SREK1IP1: variants seen among roughly 807,000 people sequenced by gnomAD.
The protein encoded by SREK1IP1 is protein SREK1IP1.
SREK1IP1 carries 12 observed loss-of-function variants against 22.8 expected under a neutral mutation model. The observed-to-expected ratio is 0.53, with a 90% CI of 0.34 to 0.85. The LOEUF is 0.85. Among genes scored for constraint, SREK1IP1 ranks in the 40% least tolerant of loss-of-function variants. SREK1IP1 has a pLI of 0.02. For synonymous variants in SREK1IP1, 53 were observed against 52.7 expected, an observed-to-expected ratio of 1.01 and a Z score of -0.02; for missense variants, 147 against 171.8, an observed-to-expected ratio of 0.86 and a Z score of 0.81.
intron 2 of SREK1IP1, among the ~76,000 whole-genome samples, chr5:64,751,155 A>G (rs959592636): frequency 6.6e-6 from 1 of 152,168 alleles, no homozygotes; most frequent in Non-Finnish European, 1.5e-5. Context: ...TTCATTTCTT[A>G]TAACTCTTAT....
At chr5:64,747,056 A>C (rs752239285) in intron 2 of SREK1IP1, among the ~76,000 whole-genome samples, 2 of 152,198 alleles carry the variant, frequency 1.3e-5, no homozygotes, top group African/African-American at 2.4e-5. Flanking sequence ...GGGCATAGGG[A>C]AAAGAAGGGG....
chr5:64,745,255 G>T (rs899417161), intron 2 of SREK1IP1, among the ~76,000 whole-genome samples: 5 of 152,088 alleles, frequency 3.3e-5, no homozygotes, highest in Admixed American at 6.5e-5. Context: ...GCAGAATGGT[G>T]GGCTTTCTAG....
At chr5:64,754,634 T>C (rs1379383155) in intron 1 of SREK1IP1, 1 of 313,296 alleles carries the variant, frequency 3.2e-6, no homozygotes, top group Non-Finnish European at 6.1e-6. Context: ...TGGCTAACTT[T>C]TAAATTTTTT....
intron 3 of SREK1IP1, among the ~76,000 whole-genome samples, chr5:64,733,016 C>G (rs1442858787): frequency 6.6e-6 from 1 of 151,228 alleles, no homozygotes; most frequent in South Asian, 2.1e-4. Flanking sequence ...ATAGATCAAG[C>G]CTCACTGCTT....
chr5:64,739,925 A>G (rs1017762838), intron 3 of SREK1IP1, among the ~76,000 whole-genome samples: 4 of 152,282 alleles, frequency 2.6e-5, no homozygotes, highest in Non-Finnish European at 5.9e-5. Context: ...TTACTGTTTA[A>G]TGTTCATCGA....
chr5:64,748,648 G>C (rs1580550440), intron 2 of SREK1IP1, among the ~76,000 whole-genome samples: 1 of 152,226 alleles, frequency 6.6e-6, no homozygotes, highest in Middle Eastern at 3.4e-3. Flanking sequence ...AAAATAACAA[G>C]TATTGAGGAT....
intron 1 of SREK1IP1, among the ~76,000 whole-genome samples, chr5:64,763,013 C>T (rs903186038): frequency 1.3e-5 from 2 of 152,058 alleles, no homozygotes; most frequent in African/African-American, 4.8e-5. Context: ...AATTGCATCA[C>T]TGCACTCCAG....
rs1742208104 is a variant in SREK1IP1, at chr5:64,723,465, C to T, written c.*919G>A. ...CACATTTATAAAATTTTCCACAGTA[C>T]TCATAGAAACAAGCTTCATAAAATT... On this transcript the variant is annotated 3_prime_UTR_variant, in exon 5 of 5. Coordinates refer to ENST00000513458, the MANE Select transcript of SREK1IP1 (RefSeq NM_173829.4). 1 of 152,444 alleles carries T rather than the reference C, an allele frequency of 6.6e-6. No homozygotes were observed. Among genetic ancestry groups the T allele is most frequent in the Non-Finnish European group, 1.5e-5 (1 of 68,002 alleles). The allele number at this position is 152,444 out of a possible 1,614,324, so 9.4% of individuals were successfully genotyped here.
At chr5:64,765,923 T>G (rs1338241540) in intron 1 of SREK1IP1, among the ~76,000 whole-genome samples, 1 of 152,222 alleles carries the variant, frequency 6.6e-6, no homozygotes, top group Non-Finnish European at 1.5e-5. Context: ...AAATGAGCAG[T>G]GATAACAGGT....
At chr5:64,768,412 A>C in intron 1 of SREK1IP1, 93 bp downstream of exon 1, 2 of 1,545,726 alleles carry the variant, frequency 1.3e-6, no homozygotes, top group Non-Finnish European at 1.8e-6. Context: ...CTAAATCCCC[A>C]TGGGCGCTGC....
intron 2 of SREK1IP1, among the ~76,000 whole-genome samples, chr5:64,751,842 AATAAACAGACAT>A (rs1188250531): frequency 2.0e-5 from 3 of 152,242 alleles, no homozygotes; most frequent in African/African-American, 7.2e-5. Context: ...ACTGAACACC[AATAAACAGACAT>A]ATAAACAGGC....
chr5:64,765,714 AAAG>A (rs1211703385), intron 1 of SREK1IP1, among the ~76,000 whole-genome samples: 1 of 152,234 alleles, frequency 6.6e-6, no homozygotes, highest in African/African-American at 2.4e-5. Flanking sequence ...TTTTGAATTG[AAAG>A]AAGGTTAACA....
chr5:64,751,484 C>T (rs1580552508), intron 2 of SREK1IP1, among the ~76,000 whole-genome samples: 3 of 152,198 alleles, frequency 2.0e-5, no homozygotes, highest in Admixed American at 6.5e-5. Flanking sequence ...GGCAATAAGA[C>T]TGTAAAAGGA....
At chr5:64,757,153 T>A (rs79308572) in intron 1 of SREK1IP1, among the ~76,000 whole-genome samples, 8,245 of 152,316 alleles carry the variant, frequency 0.054, 750 homozygotes, top group African/African-American at 0.19. Flanking sequence ...CGTACGCCTG[T>A]AATCCCAGCA....
intron 2 of SREK1IP1, among the ~76,000 whole-genome samples, chr5:64,745,246 C>G (rs1742614006): frequency 6.6e-6 from 1 of 152,100 alleles, no homozygotes. Flanking sequence ...ATGTTTGGAG[C>G]AGAATGGTGG....
At chr5:64,733,399 C>A (rs977404088) in intron 3 of SREK1IP1, among the ~76,000 whole-genome samples, 5 of 152,034 alleles carry the variant, frequency 3.3e-5, no homozygotes, top group Non-Finnish European at 5.9e-5. Context: ...TATGTATGTT[C>A]AGAACTCAAC....
At chr5:64,727,280 T>C (rs6449748) in intron 4 of SREK1IP1, among the ~76,000 whole-genome samples, 67,850 of 150,556 alleles carry the variant, frequency 0.45, 18,779 homozygotes, top group African/African-American at 0.78. Context: ...TATGCTAGTA[T>C]GAATGAAACT....
At chr5:64,750,985 T>C (rs985544107) in intron 2 of SREK1IP1, among the ~76,000 whole-genome samples, 1 of 152,200 alleles carries the variant, frequency 6.6e-6, no homozygotes, top group African/African-American at 2.4e-5. Context: ...CTCATGGAAA[T>C]TTCTTGAAAA....
At chr5:64,757,800 T>A (rs1351229872) in intron 1 of SREK1IP1, among the ~76,000 whole-genome samples, 1 of 152,008 alleles carries the variant, frequency 6.6e-6, no homozygotes. Flanking sequence ...TTGTAGTATT[T>A]ATGCATTTTT....
Sources: allele counts gnomAD v4.1 joint callset (sites outside exome capture counted in the v4.1 genomes callset), GRCh38; gene constraint gnomAD v4.1.1; transcripts MANE v1.5; gene names NCBI Gene and HGNC (gene_info 2026-07-23, HGNC 2026-07-21).